ARHGAP42: variants seen among roughly 807,000 people sequenced by gnomAD.
The protein encoded by ARHGAP42 is rho GTPase-activating protein 42.
ARHGAP42 carries 63 observed loss-of-function variants against 125.0 expected under a neutral mutation model. The ratio of observed to expected loss-of-function variants is 0.50; its 90% CI spans 0.41 to 0.62. ARHGAP42 has a LOEUF of 0.62. Among genes scored for constraint, ARHGAP42 ranks in the 20% least tolerant of loss-of-function variants. ARHGAP42 has a pLI of 0.00. For synonymous variants in ARHGAP42, 339 were observed against 351.0 expected, an observed-to-expected ratio of 0.97 and a Z score of 0.38; for missense variants, 766 against 1,024.2, an observed-to-expected ratio of 0.75 and a Z score of 3.44.
At chr11:100,868,733 G>A (rs1865633730) in intron 4 of ARHGAP42, among the ~76,000 whole-genome samples, 1 of 152,056 alleles carries the variant, frequency 6.6e-6, no homozygotes, top group Admixed American at 6.6e-5. Flanking sequence ...ATCTTAACTT[G>A]AAATCAAACC....
At position 100,976,043 on chromosome 11, in the gene ARHGAP42, C is replaced by T. The variant is rs1321711175; in HGVS notation, c.1856-14C>T. 2.0e-6 allele frequency: 3 copies of T among 1,488,596 alleles called. No individual in the cohort carries two copies. The highest frequency in any genetic ancestry group is 4.9e-5 in the Admixed American group (2 of 40,536). The allele number at this position is 1,488,596 out of a possible 1,614,324, so 92.2% of individuals were successfully genotyped here. A position where few individuals can be genotyped will look rare whatever the true frequency, so the allele number is the denominator to read the frequency against. On this transcript the variant is annotated splice_polypyrimidine_tract_variant and intron_variant, in intron 19 of 23. Coordinates refer to ENST00000298815, the MANE Select transcript of ARHGAP42 (RefSeq NM_152432.4). The stretch of plus-strand genomic sequence containing the variant: ...GTTACAGTTGCTTTCATCTCTCTCC[C>T]TCCTACTCCTTAGGTGACTCCTATA...
chr11:100,948,871 G>A (rs1002148160), intron 11 of ARHGAP42, among the ~76,000 whole-genome samples: 5 of 152,058 alleles, frequency 3.3e-5, no homozygotes, highest in Admixed American at 1.3e-4. Context: ...CAAGGCCTGT[G>A]CTAGGCATGT....
intron 2 of ARHGAP42, among the ~76,000 whole-genome samples, chr11:100,781,933 A>ATTTT (rs5794067): frequency 1.4e-5 from 2 of 144,266 alleles, no homozygotes; most frequent in African/African-American, 2.6e-5. Context: ...CCACCACGAG[A>ATTTT]TTTTTTTTTT....
At chr11:100,982,528 A>G (rs1037325715) in intron 22 of ARHGAP42, among the ~76,000 whole-genome samples, 3 of 152,224 alleles carry the variant, frequency 2.0e-5, no homozygotes, top group Non-Finnish European at 2.9e-5. Flanking sequence ...TCCTTAACCT[A>G]TAAAATCCCT....
intron 1 of ARHGAP42, among the ~76,000 whole-genome samples, chr11:100,765,133 A>G (rs7942588): frequency 0.26 from 39,225 of 152,100 alleles, 5,298 homozygotes; most frequent in Non-Finnish European, 0.29. Flanking sequence ...GACAATAACC[A>G]GTACCTTAGC....
intron 8 of ARHGAP42, among the ~76,000 whole-genome samples, chr11:100,936,994 G>A (rs767678662): frequency 3.5e-4 from 53 of 152,220 alleles, no homozygotes; most frequent in Non-Finnish European, 6.5e-4. Context: ...TCATTCTCGT[G>A]CTGTTTTTGG....
intron 12 of ARHGAP42, 103 bp from the exon 13 acceptor site, chr11:100,959,780 A>G (rs183101472): frequency 2.8e-6 from 3 of 1,055,778 alleles, no homozygotes; most frequent in East Asian, 5.3e-5. Flanking sequence ...CTCAGAAAAA[A>G]CCTCTCTACT....
At chr11:100,753,566 T>C (rs1460103873) in intron 1 of ARHGAP42, among the ~76,000 whole-genome samples, 2 of 152,210 alleles carry the variant, frequency 1.3e-5, no homozygotes, top group Non-Finnish European at 2.9e-5. Flanking sequence ...TGAATTTCAT[T>C]TGAGAGCTTC....
rs1414312038 is a variant in ARHGAP42, at chr11:100,992,591, T to G, written c.*3790T>G. On this transcript the variant is annotated 3_prime_UTR_variant, in exon 24 of 24. Coordinates refer to ENST00000298815, the MANE Select transcript of ARHGAP42 (RefSeq NM_152432.4). Reference sequence around the variant, plus strand: ...CGAGTATTCATCAACTGGTCTCAATTTCCTGAACACATTCACTGTATCCCT... The same window carrying G: ...CGAGTATTCATCAACTGGTCTCAATGTCCTGAACACATTCACTGTATCCCT... 3 of 1,613,996 alleles carry G rather than the reference T, an allele frequency of 1.9e-6. No individual in the cohort carries two copies. The African/African-American group carries it at 4.0e-5, about 22-fold the overall frequency.
Position 100,799,478 on chromosome 11 carries a change from T to C in ARHGAP42, c.312+4312T>C, listed in dbSNP as rs947607838. Among the ~76,000 whole-genome samples the C allele has an allele frequency of 3.3e-5, 5 of 152,328 alleles. No individual in the cohort carries two copies. The East Asian group carries it at 9.6e-4, about 29-fold the overall frequency. ...TTATATGTGATCCTTACTCTACCTA[T>C]GTGAACTGTATCAAAGAAGTCTAAC... On this transcript the variant is annotated intron_variant, in intron 3 of 23. Transcript: ENST00000298815.
intron 1 of ARHGAP42, among the ~76,000 whole-genome samples, chr11:100,735,501 T>C (rs1862047837): frequency 6.6e-6 from 1 of 152,164 alleles, no homozygotes. Flanking sequence ...AGTCATCTTC[T>C]TTCTTTGCAT....
In ARHGAP42 at chr11:100,700,539, A is replaced by G. The variant is rs138407919; in HGVS notation, c.154+12707A>G. On this transcript the variant is annotated intron_variant, in intron 1 of 23. Coordinates refer to ENST00000298815, the MANE Select transcript of ARHGAP42 (RefSeq NM_152432.4). ...TGATTTTTATTAAGTAAGTTTATGT[A>G]ATATTCTAAATCGCTTGCTGTCATT... 7.5e-3 allele frequency among the ~76,000 whole-genome samples: 1,143 copies of G among 152,306 alleles called. 13 individuals are homozygous for G. The highest frequency in any genetic ancestry group is 0.017 in the South Asian group (84 of 4,826).
Position 100,825,171 on chromosome 11 carries a change from T to G in ARHGAP42, c.312+30005T>G, listed in dbSNP as rs114206456. The stretch of plus-strand genomic sequence containing the variant: ...AATACCTTTACTTAATCAACTGGCA[T>G]AGACTACCCATTCTTGTTTAATAAT... On this transcript the variant is annotated intron_variant, in intron 3 of 23. Coordinates refer to ENST00000298815, the MANE Select transcript of ARHGAP42 (RefSeq NM_152432.4). Among the ~76,000 whole-genome samples the G allele has an allele frequency of 8.0e-3, 1,218 of 152,300 alleles. 16 individuals carry two copies. The highest frequency in any genetic ancestry group is 0.028 in the African/African-American group (1,152 of 41,560).
At chr11:100,953,251 C>G (rs1430310454) in intron 12 of ARHGAP42, among the ~76,000 whole-genome samples, 3 of 152,146 alleles carry the variant, frequency 2.0e-5, no homozygotes, top group African/African-American at 7.2e-5. Flanking sequence ...TCACCGGCCA[C>G]TTCGAAGAGT....
At chr11:100,848,573 G>A (rs1042403737) in intron 3 of ARHGAP42, among the ~76,000 whole-genome samples, 1 of 151,140 alleles carries the variant, frequency 6.6e-6, no homozygotes. Flanking sequence ...GCACAATCTC[G>A]GCTCACTGCA....
intron 3 of ARHGAP42, among the ~76,000 whole-genome samples, chr11:100,831,321 G>C (rs1864658891): frequency 6.6e-6 from 1 of 151,954 alleles, no homozygotes; most frequent in Non-Finnish European, 1.5e-5. Flanking sequence ...CATTATACTG[G>C]GTATTTCTGA....
chr11:100,871,945 G>A (rs1465821429), intron 4 of ARHGAP42, among the ~76,000 whole-genome samples: 2 of 152,174 alleles, frequency 1.3e-5, no homozygotes, highest in Non-Finnish European at 2.9e-5. Context: ...GTTTCTCCAT[G>A]TTGGTCAGGC....
At chr11:100,752,555 T>C (rs1190998572) in intron 1 of ARHGAP42, among the ~76,000 whole-genome samples, 1 of 152,216 alleles carries the variant, frequency 6.6e-6, no homozygotes, top group Non-Finnish European at 1.5e-5. Flanking sequence ...GTTGTTCCTC[T>C]TGGTCTAGCC....
intron 8 of ARHGAP42, among the ~76,000 whole-genome samples, chr11:100,937,039 C>T (rs11604594): frequency 0.079 from 12,008 of 152,176 alleles, 559 homozygotes; most frequent in Middle Eastern, 0.099. Context: ...TCCAGCCCAT[C>T]GTGGACCAAT....
Sources: allele counts gnomAD v4.1 joint callset (sites outside exome capture counted in the v4.1 genomes callset), GRCh38; gene constraint gnomAD v4.1.1; transcripts MANE v1.5; gene names NCBI Gene and HGNC (gene_info 2026-07-23, HGNC 2026-07-21).